DAB1: variants seen among roughly 807,000 people sequenced by gnomAD.
DAB1 encodes the protein disabled homolog 1.
In DAB1, 15 loss-of-function variants were observed where a neutral mutation model predicts 64.6. The observed-to-expected ratio is 0.23, with a 90% confidence interval of 0.16 to 0.36. The LOEUF (loss-of-function observed/expected upper bound fraction) is 0.36, where lower values mean the gene tolerates loss of function less well. Ranked by LOEUF, DAB1 falls within the 10% of genes least tolerant of loss-of-function variation. The pLI is 1.00. For synonymous variants in DAB1, 235 were observed against 251.9 expected (o/e 0.93, Z 0.64); for missense variants, 596 against 706.7 (o/e 0.84, Z 1.78).
intron 4 of DAB1, among the ~76,000 whole-genome samples, chr1:58,178,757 A>T (rs1656623785): frequency 6.6e-6 from 1 of 152,174 alleles, no homozygotes; most frequent in African/African-American, 2.4e-5. Context: ...CTATTCAAAA[A>T]TGTAAAATCC....
chr1:58,056,482 T>C lies in DAB1; in HGVS notation n.387+94029A>G, dbSNP rs915306810. 5 of 1,386,958 alleles carry C rather than the reference T, an allele frequency of 3.6e-6. No individual in the cohort carries two copies. In the African/African-American group the frequency reaches 7.1e-5, roughly 20 times the overall value. 85.9% of individuals were successfully genotyped at this position (1,386,958 alleles called of 1,614,324 possible). On this transcript the variant is annotated intron_variant and non_coding_transcript_variant, in intron 5 of 20. Transcript: ENST00000485760. Reference sequence around the variant, plus strand: ...ATTGTTCCTTCTTTTCTTTGTCATCTTGGAGGCACGGACCAGAGAGAGCTC... The same window carrying C: ...ATTGTTCCTTCTTTTCTTTGTCATCCTGGAGGCACGGACCAGAGAGAGCTC...
chr1:57,682,867 G>A (rs1419545463), intron 6 of DAB1, among the ~76,000 whole-genome samples: 1 of 152,200 alleles, frequency 6.6e-6, no homozygotes, highest in East Asian at 1.9e-4. Flanking sequence ...CTTTCCTGCA[G>A]GACTGGGATG....
chr1:57,925,863 C>T (rs536741296), intron 5 of DAB1, among the ~76,000 whole-genome samples: 1 of 152,288 alleles, frequency 6.6e-6, no homozygotes, highest in Non-Finnish European at 1.5e-5. Context: ...CATATAAACG[C>T]TCACAGACTG....
chr1:58,441,900 A>G (rs1302433742), intron 3 of DAB1, among the ~76,000 whole-genome samples: 1 of 152,160 alleles, frequency 6.6e-6, no homozygotes. Context: ...GGACCCCCCC[A>G]GAGAGAGTAA....
intron 8 of DAB1, among the ~76,000 whole-genome samples, chr1:57,068,644 T>C (rs1651155652): frequency 6.6e-6 from 1 of 152,158 alleles, no homozygotes; most frequent in Admixed American, 6.5e-5. Context: ...ATCATATCTA[T>C]TTGATGTGCT....
chr1:57,485,801 C>T (rs1256481981), intron 7 of DAB1, among the ~76,000 whole-genome samples: 2 of 152,198 alleles, frequency 1.3e-5, no homozygotes, highest in African/African-American at 4.8e-5. Context: ...TCTTGGCTGT[C>T]ATAATCACTG....
At chr1:57,185,127 T>TC (rs1444538891) in intron 2 of DAB1, among the ~76,000 whole-genome samples, 3 of 151,966 alleles carry the variant, frequency 2.0e-5, no homozygotes, top group African/African-American at 7.3e-5. Context: ...CAAACATGCT[T>TC]CCCCCTCTCT....
intron 1 of DAB1, among the ~76,000 whole-genome samples, chr1:57,349,341 A>G (rs982527492): frequency 1.3e-5 from 2 of 152,108 alleles, no homozygotes; most frequent in African/African-American, 4.8e-5. Flanking sequence ...ATTCTGGGTA[A>G]GAAGAGATTT....
chr1:58,487,132 G>A (rs189267680), intron 3 of DAB1, among the ~76,000 whole-genome samples: 112 of 152,318 alleles, frequency 7.4e-4, no homozygotes, highest in Admixed American at 2.3e-3. Flanking sequence ...AAATGACTGC[G>A]GTAACTTGGG....
intron 4 of DAB1, among the ~76,000 whole-genome samples, chr1:57,110,753 G>A (rs1417843016): frequency 6.6e-6 from 1 of 152,000 alleles, no homozygotes. Context: ...TATAAACTCA[G>A]TACTTCATGG....
At chr1:57,831,335 C>T (rs1216956243) in intron 1 of DAB1, among the ~76,000 whole-genome samples, 1 of 152,008 alleles carries the variant, frequency 6.6e-6, no homozygotes, top group Non-Finnish European at 1.5e-5. Flanking sequence ...TTCCCTTACT[C>T]GTCTAGCTGT....
intron 9 of DAB1, among the ~76,000 whole-genome samples, chr1:57,045,023 G>A (rs1052625709): frequency 6.6e-6 from 1 of 152,188 alleles, no homozygotes; most frequent in Non-Finnish European, 1.5e-5. Flanking sequence ...AGGCACAGAA[G>A]GTTTAATTAA....
chr1:57,387,642 T>G (rs1456330969), intron 1 of DAB1, among the ~76,000 whole-genome samples: 1 of 151,938 alleles, frequency 6.6e-6, no homozygotes, highest in Non-Finnish European at 1.5e-5. Context: ...ACCGATGTGG[T>G]GAAGCCCCAT....
At chr1:57,433,252 C>G (rs1685577966) in intron 7 of DAB1, among the ~76,000 whole-genome samples, 1 of 151,996 alleles carries the variant, frequency 6.6e-6, no homozygotes, top group South Asian at 2.1e-4. Context: ...TTGGAATAGC[C>G]AAAACAATCC....
rs1646888047 is a variant in DAB1, at chr1:58,025,889, A to G, written n.387+124622T>C. ...TTCATTCATATACATCCTAAATCCA[A>G]CTCCCCAGTGAGCGCTTGTTCCAGT... On this transcript the variant is annotated intron_variant and non_coding_transcript_variant, in intron 5 of 20. Coordinates refer to the DAB1 transcript ENST00000485760. Among the ~76,000 whole-genome samples the G allele has an allele frequency of 2.7e-5, 4 of 150,646 alleles. 1 individual carries two copies. In the South Asian group the frequency reaches 8.5e-4, roughly 32 times the overall value.
intron 4 of DAB1, among the ~76,000 whole-genome samples, chr1:58,293,481 T>C (rs1457219479): frequency 6.6e-6 from 1 of 152,122 alleles, no homozygotes; most frequent in Non-Finnish European, 1.5e-5. Context: ...GCAGCAGTCA[T>C]AAGAAGAGAA....
intron 9 of DAB1, among the ~76,000 whole-genome samples, chr1:57,034,227 C>A (rs1570555039): frequency 2.0e-5 from 3 of 148,874 alleles, no homozygotes; most frequent in East Asian, 4.0e-4. Flanking sequence ...TTGCAGTGAG[C>A]CGAGATCGTG....
chr1:57,983,975 C>T (rs546102670), intron 5 of DAB1, among the ~76,000 whole-genome samples: 63 of 151,930 alleles, frequency 4.1e-4, no homozygotes, highest in Non-Finnish European at 7.6e-4. Context: ...CATACACACG[C>T]GCACATGCAC....
chr1:58,441,234 G>A (rs1351395062), intron 3 of DAB1, among the ~76,000 whole-genome samples: 4 of 152,188 alleles, frequency 2.6e-5, no homozygotes, highest in Admixed American at 6.5e-5. Flanking sequence ...TAGATGCCAC[G>A]AACTCAGAAT....
Sources: allele counts gnomAD v4.1 joint callset (sites outside exome capture counted in the v4.1 genomes callset), GRCh38; gene constraint gnomAD v4.1.1; transcripts MANE v1.5; gene names NCBI Gene and HGNC (gene_info 2026-07-23, HGNC 2026-07-21).